TNRC6C: variants seen among roughly 807,000 people sequenced by gnomAD.
TNRC6C encodes trinucleotide repeat containing adaptor 6C, also known as trinucleotide repeat-containing gene 6C protein.
Under a neutral mutation model 153.7 loss-of-function variants are expected in TNRC6C, and 20 were observed. That is an observed-to-expected ratio of 0.13 (90% confidence interval 0.09 to 0.19). The LOEUF is 0.19. Ranked by LOEUF, TNRC6C falls within the 10% of genes least tolerant of loss-of-function variation. The pLI is 1.00. For synonymous variants in TNRC6C, 811 were observed against 841.4 expected, an observed-to-expected ratio of 0.96 and a Z score of 0.63; for missense variants, 1,987 against 2,172.0, an observed-to-expected ratio of 0.91 and a Z score of 1.69.
exon 14 of TNRC6C, chr17:78,091,560 A>C: frequency 3.1e-6 from 5 of 1,599,696 alleles, no homozygotes; most frequent in Non-Finnish European, 3.4e-6. Context: ...TCCATGGATA[A>C]CTTGCCCAGT....
intron 3 of TNRC6C, among the ~76,000 whole-genome samples, chr17:78,054,741 A>G (rs1399741507): frequency 6.6e-6 from 1 of 151,920 alleles, no homozygotes; most frequent in Non-Finnish European, 1.5e-5. Flanking sequence ...ACTGTACACT[A>G]CTGGAGACTA....
chr17:77,972,555 T>G (rs1022071301), intron 1 of TNRC6C, among the ~76,000 whole-genome samples: 3 of 151,722 alleles, frequency 2.0e-5, no homozygotes, highest in African/African-American at 7.3e-5. Context: ...GACTGCTGAT[T>G]TTATAGCGAT....
At chr17:78,103,600 C>G in intron 19 of TNRC6C, 47 bp downstream of exon 22, 1 of 1,611,258 alleles carries the variant, frequency 6.2e-7, no homozygotes, top group Admixed American at 1.7e-5. Context: ...GCTCCCCATC[C>G]CCCAGAGCAT....
intron 1 of TNRC6C, among the ~76,000 whole-genome samples, chr17:77,974,311 A>G (rs575513007): frequency 1.3e-5 from 2 of 152,334 alleles, no homozygotes; most frequent in Admixed American, 6.5e-5. Context: ...ATTTCTTGCT[A>G]TGTGTCCATT....
chr17:78,010,093 G>C (rs2143341541), intron 1 of TNRC6C, among the ~76,000 whole-genome samples: 1 of 149,264 alleles, frequency 6.7e-6, no homozygotes, highest in African/African-American at 2.5e-5. Context: ...CTGTTGCCCA[G>C]GTTGGTCTCA....
intron 2 of TNRC6C, among the ~76,000 whole-genome samples, chr17:78,046,034 C>T (rs1041493928): frequency 6.6e-6 from 1 of 151,996 alleles, no homozygotes; most frequent in African/African-American, 2.4e-5. Flanking sequence ...TACAGTGTGA[C>T]ATTAAAGTGC....
In TNRC6C at chr17:78,087,006, C is replaced by G. The variant is rs541613046; in HGVS notation, c.3715C>G (p.Pro1239Ala). Residue 1239 changes from proline to alanine, a missense_variant, in exon 13 of 20, where the codon CCC (proline) becomes GCC (alanine). Coordinates refer to ENST00000301624, the Ensembl canonical transcript of TNRC6C. Reference sequence around the variant, plus strand: ...AGGCAAATCGGCCATGGACAGCTTCCCCTCGCACCCACAGACTCCCGGCCT... The same window carrying G: ...AGGCAAATCGGCCATGGACAGCTTCGCCTCGCACCCACAGACTCCCGGCCT... 42 of 1,613,924 alleles carry G rather than the reference C, an allele frequency of 2.6e-5. 1 individual carries two copies. In the South Asian group the frequency reaches 4.3e-4, roughly 16 times the overall value.
At chr17:78,001,813 G>A (rs1481377131), upstream of TNRC6C, among the ~76,000 whole-genome samples, 1 of 151,934 alleles carries the variant, frequency 6.6e-6, no homozygotes, top group Non-Finnish European at 1.5e-5. Context: ...GGATATGGAA[G>A]GGGGAGAAAG....
chr17:78,098,589 G>A, intron 17 of TNRC6C, 52 bp downstream of exon 20: 2 of 1,561,568 alleles, frequency 1.3e-6, no homozygotes, highest in East Asian at 2.2e-5. Context: ...TTTAGGGGAT[G>A]TGCTTATCAC....
At chr17:78,009,111 A>G (rs2071575196) in intron 1 of TNRC6C, among the ~76,000 whole-genome samples, 2 of 152,172 alleles carry the variant, frequency 1.3e-5, no homozygotes, top group African/African-American at 4.8e-5. Flanking sequence ...ATGCTCTTAT[A>G]CTGGGGGAAA....
chr17:78,099,178 C>G (rs2073543507), intron 17 of TNRC6C, among the ~76,000 whole-genome samples: 1 of 152,196 alleles, frequency 6.6e-6, no homozygotes, highest in Admixed American at 6.5e-5. Flanking sequence ...CATAGTGGCA[C>G]ATACCTGTGA....
intron 16 of TNRC6C, among the ~76,000 whole-genome samples, chr17:78,095,171 A>G (rs1282262639): frequency 6.6e-6 from 1 of 152,222 alleles, no homozygotes; most frequent in Non-Finnish European, 1.5e-5. Flanking sequence ...TGCCCAGATG[A>G]AGCATCAGGT....
chr17:78,050,229 A>G, exon 3 of TNRC6C: 2 of 1,538,056 alleles, frequency 1.3e-6, no homozygotes, highest in Admixed American at 4.1e-5. Context: ...CCAAAGCGGC[A>G]TCTTCTGGAA....
At chr17:77,974,480 C>T (rs1163328474) in intron 1 of TNRC6C, among the ~76,000 whole-genome samples, 1 of 151,844 alleles carries the variant, frequency 6.6e-6, no homozygotes, top group East Asian at 1.9e-4. Flanking sequence ...ATTACCACCC[C>T]CGCCCCGCCC....
intron 16 of TNRC6C, among the ~76,000 whole-genome samples, chr17:78,094,956 A>T (rs777373651): frequency 1.1e-4 from 16 of 152,180 alleles, no homozygotes; most frequent in Non-Finnish European, 2.1e-4. Flanking sequence ...GCCGTGTAAG[A>T]TGGCAGAGGA....
chr17:77,978,516 C>T (rs1340633634), intron 1 of TNRC6C, among the ~76,000 whole-genome samples: 1 of 152,142 alleles, frequency 6.6e-6, no homozygotes, highest in Non-Finnish European at 1.5e-5. Flanking sequence ...TACTAGGACA[C>T]TGAAGACTTT....
chr17:78,027,839 A>G (rs1157395850), intron 1 of TNRC6C, among the ~76,000 whole-genome samples: 1 of 152,082 alleles, frequency 6.6e-6, no homozygotes, highest in Non-Finnish European at 1.5e-5. Context: ...CTTAGATAGG[A>G]ATAACAGATG....
At chr17:78,053,646 GAA>G (rs974843638) in intron 3 of TNRC6C, among the ~76,000 whole-genome samples, 1 of 151,504 alleles carries the variant, frequency 6.6e-6, no homozygotes, top group African/African-American at 2.4e-5. Context: ...AAAAAAGAAA[GAA>G]AGAAAAATAA....
intron 1 of TNRC6C, among the ~76,000 whole-genome samples, chr17:77,998,813 CTT>C (rs1279737393): frequency 6.6e-6 from 1 of 152,150 alleles, no homozygotes; most frequent in Non-Finnish European, 1.5e-5. Context: ...TAGTCTGGTT[CTT>C]TGTATGAGGA....
Sources: gnomAD v4.1 joint callset for allele counts (sites outside exome capture counted in the v4.1 genomes callset) on GRCh38, gnomAD v4.1.1 for gene constraint, MANE v1.5 for transcripts, NCBI Gene and HGNC (gene_info 2026-07-23, HGNC 2026-07-21) for gene names.